LRP2: variants seen among roughly 807,000 people sequenced by gnomAD.
LRP2 encodes the protein low-density lipoprotein receptor-related protein 2.
A neutral mutation model predicts 531.0 loss-of-function variants in LRP2; 172 were observed. The observed-to-expected ratio is 0.32, with a 90% CI of 0.29 to 0.37. The LOEUF is 0.37. LRP2 is among the 10% of genes least tolerant of loss of function. The pLI is 1.00. For missense variants in LRP2, 5,167 were observed against 5,868.3 expected (o/e 0.88, Z 3.90); for synonymous variants, 1,992 against 2,027.6 (o/e 0.98, Z 0.47).
At chr2:169,172,390 G>A (rs1687039133) in intron 57 of LRP2, among the ~76,000 whole-genome samples, 1 of 152,128 alleles carries the variant, frequency 6.6e-6, no homozygotes, top group Non-Finnish European at 1.5e-5. Flanking sequence ...TTTGTAATTT[G>A]CAACAAAGGC....
chr2:169,226,498 G>A lies in LRP2; in HGVS notation c.5318C>T (p.Pro1773Leu). ...TAAACCATTCTGTATCCCTGCTATGGGGACCATAGCATCATTGCTCTTCAC... is the reference window on the plus strand; with the variant it reads ...TAAACCATTCTGTATCCCTGCTATGAGGACCATAGCATCATTGCTCTTCAC... ...PEVKSNDAMV[P>L]IAGIQNGLDV... Residue 1773 changes from proline to leucine, a missense_variant, in exon 32 of 79, where the codon CCC (proline) becomes CTC (leucine). Coordinates refer to ENST00000649046, the MANE Select transcript of LRP2 (RefSeq NM_004525.3). The A allele has an allele frequency of 6.2e-7, 1 of 1,613,098 alleles. No homozygotes were observed. The highest frequency in any genetic ancestry group is 8.5e-7 in the Non-Finnish European group (1 of 1,179,192).
chr2:169,329,911 T>A (rs899381335), intron 1 of LRP2, among the ~76,000 whole-genome samples: 5 of 152,142 alleles, frequency 3.3e-5, no homozygotes, highest in African/African-American at 1.2e-4. Flanking sequence ...GGCGGGTGAG[T>A]GAGCATTAGT....
rs550162440 is a variant in LRP2 at position 169,279,379 on chromosome 2, T to C, written c.1558A>G (p.Thr520Ala). Reference protein sequence around the residue: ...GHPRGIAVDPTVGYLFFSDWE... With the variant: ...GHPRGIAVDPAVGYLFFSDWE... ...TGTTTTCACATCACTTACCCAACAGTTGGGTCCACGGCAATTCCTCTAGGA... is the reference window on the plus strand; with the variant it reads ...TGTTTTCACATCACTTACCCAACAGCTGGGTCCACGGCAATTCCTCTAGGA... Residue 520 changes from threonine (T) to alanine (A), a missense_variant, in exon 12 of 79, where the codon ACT becomes GCT. Transcript: ENST00000649046. 1.8e-5 allele frequency: 29 copies of C among 1,612,888 alleles called. No homozygotes were observed. The highest frequency in any genetic ancestry group is 1.1e-4 in the African/African-American group (8 of 75,010).
chr2:169,198,705 T>C, intron 45 of LRP2, 81 bp downstream of exon 45: 1 of 1,536,324 alleles, frequency 6.5e-7, no homozygotes, highest in Non-Finnish European at 8.9e-7. Flanking sequence ...TCAGCCCGAA[T>C]ACCCACGCTT....
intron 31 of LRP2, 60 bp downstream of exon 31, chr2:169,231,654 T>TCTAAA (rs1689408575): frequency 6.2e-7 from 1 of 1,610,344 alleles, no homozygotes; most frequent in Non-Finnish European, 8.5e-7. Context: ...GAGTTTCCAC[T>TCTAAA]GCTTGGCACA....
At chr2:169,344,985 A>C (rs1289213970) in intron 1 of LRP2, among the ~76,000 whole-genome samples, 1 of 152,200 alleles carries the variant, frequency 6.6e-6, no homozygotes, top group Non-Finnish European at 1.5e-5. Flanking sequence ...ATAAATCAGA[A>C]AATAGCCTTT....
At chr2:169,303,903 C>G (rs746860298) in intron 4 of LRP2, among the ~76,000 whole-genome samples, 6 of 152,032 alleles carry the variant, frequency 3.9e-5, no homozygotes, top group Non-Finnish European at 5.9e-5. Flanking sequence ...ACTATTTGTA[C>G]TTAAATTTTT....
At chr2:169,188,407 C>T (rs550034547) in intron 48 of LRP2, 142 bp from the exon 49 acceptor site, 1 of 800,768 alleles carries the variant, frequency 1.2e-6, no homozygotes, top group African/African-American at 1.7e-5. Context: ...CCTTGATCCC[C>T]TTTCCCCCAT....
intron 76 of LRP2, among the ~76,000 whole-genome samples, chr2:169,136,133 G>A (rs967207644): frequency 1.3e-4 from 20 of 151,708 alleles, no homozygotes; most frequent in Admixed American, 7.9e-4. Flanking sequence ...ATACAAAACC[G>A]TATCCAGGCC....
chr2:169,303,357 A>C (rs753226765), intron 4 of LRP2, among the ~76,000 whole-genome samples: 1 of 152,078 alleles, frequency 6.6e-6, no homozygotes, highest in African/African-American at 2.4e-5. Flanking sequence ...TGGCTCCCCT[A>C]CTCTTACATC....
chr2:169,241,221 C>A lies in LRP2; in HGVS notation c.3812G>T (p.Cys1271Phe). 1 of 1,614,164 alleles carries A rather than the reference C, an allele frequency of 6.2e-7. No individual in the cohort carries two copies. The highest frequency in any genetic ancestry group is 8.5e-7 in the Non-Finnish European group (1 of 1,180,024). The change falls in exon 25 of 79, where the codon TGC (cysteine) becomes TTC (phenylalanine). Residue 1271 changes from cysteine to phenylalanine, a missense_variant. By Grantham distance (205) the Cys-to-Phe change is radical. Around this residue, in one of 6 missense-constraint regions of LRP2, gnomAD observed 2,811 missense variants for 3,058.0 expected, o/e 0.92. Transcript: ENST00000649046. ...GTCACAGTGGAAATATGATGAAGGG[C>A]AAGTCTTGGGGACACAGGCATTGTG... Reference protein sequence around the residue: ...DEHNACVPKTCPSSYFHCDNG... With the variant: ...DEHNACVPKTFPSSYFHCDNG...
In LRP2 at chr2:169,151,042, C is replaced by T. The variant is rs1182001719; in HGVS notation, c.12462-16G>A. The stretch of plus-strand genomic sequence containing the variant: ...GTAAATATGCCTGAATTCAGAGGGA[C>T]AAAGTTAAACAACTGCAAAGCCTAG... On this transcript the variant is annotated splice_polypyrimidine_tract_variant and intron_variant, in intron 67 of 78. Coordinates refer to ENST00000649046, the MANE Select transcript of LRP2 (RefSeq NM_004525.3). The T allele has an allele frequency of 6.2e-7, 1 of 1,613,598 alleles. No individual in the cohort carries two copies.
chr2:169,220,761 G>C (rs1303593703), intron 33 of LRP2, among the ~76,000 whole-genome samples, 198 bp from the exon 34 acceptor site: 1 of 152,118 alleles, frequency 6.6e-6, no homozygotes, highest in African/African-American at 2.4e-5. Context: ...ATGAGAGTAA[G>C]AGCAGCAAAA....
At chr2:169,327,706 T>TG (rs1396537128) in intron 1 of LRP2, among the ~76,000 whole-genome samples, 2 of 99,264 alleles carry the variant, frequency 2.0e-5, no homozygotes, top group African/African-American at 8.1e-5. Flanking sequence ...GGGAGGGAGG[T>TG]GGGGGGATCA....
At chr2:169,291,019 G>T (rs1031622160) in intron 7 of LRP2, 22 bp from the exon 8 acceptor site, 26 of 1,612,952 alleles carry the variant, frequency 1.6e-5, no homozygotes, top group Non-Finnish European at 2.1e-5. Flanking sequence ...AAAAGAGAGA[G>T]TTACAGGCCA....
intron 3 of LRP2, among the ~76,000 whole-genome samples, chr2:169,317,190 C>T (rs949767300): frequency 2.0e-5 from 3 of 152,080 alleles, no homozygotes; most frequent in African/African-American, 7.2e-5. Context: ...TCTCTTTTCC[C>T]AAGCAGTTGC....
intron 57 of LRP2, 127 bp downstream of exon 57, chr2:169,172,968 CA>C: frequency 7.7e-7 from 1 of 1,291,040 alleles, no homozygotes; most frequent in Non-Finnish European, 1.1e-6. Context: ...AAGAATCAAC[CA>C]TTTTTTTACA....
intron 1 of LRP2, among the ~76,000 whole-genome samples, chr2:169,326,506 G>T (rs1685064306): frequency 6.6e-6 from 1 of 151,652 alleles, no homozygotes; most frequent in East Asian, 2.0e-4. Flanking sequence ...ACGGAGTCTG[G>T]TTCACTCAGT....
At position 169,172,151 on chromosome 2, in the gene LRP2, G is replaced by A. The variant is rs1340332497; in HGVS notation, c.11144-17C>T. On this transcript the variant is annotated splice_polypyrimidine_tract_variant and intron_variant, in intron 57 of 78. Transcript: ENST00000649046. ...TCCTCTCCTCTGCAAAGCAGTCATTGCAAAGACTTCATAAACCATTGGCAG... is the reference window on the plus strand; with the variant it reads ...TCCTCTCCTCTGCAAAGCAGTCATTACAAAGACTTCATAAACCATTGGCAG... The A allele has an allele frequency of 3.7e-6, 6 of 1,613,992 alleles. No individual in the cohort carries two copies. Among genetic ancestry groups the A allele is most frequent in the Non-Finnish European group, 4.2e-6 (5 of 1,179,914 alleles).
Sources: allele counts gnomAD v4.1 joint callset (sites outside exome capture counted in the v4.1 genomes callset), GRCh38; gene constraint gnomAD v4.1.1; regional missense constraint gnomAD v4.1.1; transcripts MANE v1.5; gene names NCBI Gene and HGNC (gene_info 2026-07-23, HGNC 2026-07-21).